The following COL21A1 variants were observed in gnomAD, a reference collection of about 807,000 sequenced individuals.
COL21A1 encodes the protein collagen type XXI alpha 1 chain.
A neutral mutation model predicts 137.9 loss-of-function variants in COL21A1; 149 were observed. That is an observed-to-expected ratio of 1.08 (90% CI 0.95 to 1.24). The LOEUF (loss-of-function observed/expected upper bound fraction) is 1.24, where lower values mean the gene tolerates loss of function less well. Among genes scored for constraint, COL21A1 ranks in the 50% most tolerant of loss-of-function variants. The pLI is 0.00. For missense variants in COL21A1, 1,167 were observed against 1,158.4 expected, an observed-to-expected ratio of 1.01 and a Z score of -0.11; for synonymous variants, 456 against 391.5, an observed-to-expected ratio of 1.16 and a Z score of -1.95.
intron 1 of COL21A1, among the ~76,000 whole-genome samples, chr6:56,319,309 C>T (rs1764813529): frequency 6.6e-6 from 1 of 152,052 alleles, no homozygotes; most frequent in Non-Finnish European, 1.5e-5. Flanking sequence ...AAAAAAACTG[C>T]AGGTGGCCTG....
intron 1 of COL21A1, among the ~76,000 whole-genome samples, chr6:56,260,168 GT>G (rs1315622774): frequency 6.6e-6 from 1 of 152,120 alleles, no homozygotes; most frequent in Non-Finnish European, 1.5e-5. Context: ...GCTATATTAT[GT>G]TTTATCCTCC....
intron 16 of COL21A1, among the ~76,000 whole-genome samples, chr6:56,110,255 CTTTTT>C (rs35299623): frequency 8.2e-6 from 1 of 121,914 alleles, no homozygotes; most frequent in Non-Finnish European, 1.7e-5. Context: ...GCAGAAAAAG[CTTTTT>C]TTTTTTTTTT....
intron 1 of COL21A1, among the ~76,000 whole-genome samples, chr6:56,311,477 T>C (rs1764613155): frequency 6.6e-6 from 1 of 152,164 alleles, no homozygotes; most frequent in South Asian, 2.1e-4. Context: ...TAATTATATT[T>C]TTATGAGGGG....
chr6:56,302,131 A>C (rs9396196), intron 1 of COL21A1, among the ~76,000 whole-genome samples: 1 of 150,404 alleles, frequency 6.6e-6, no homozygotes, highest in Non-Finnish European at 1.5e-5. Flanking sequence ...TCTATCATTG[A>C]TGGACATTTG....
chr6:56,235,623 A>C (rs780547328), intron 1 of COL21A1, among the ~76,000 whole-genome samples: 3 of 151,972 alleles, frequency 2.0e-5, no homozygotes, highest in Non-Finnish European at 2.9e-5. Flanking sequence ...ATATAAGACT[A>C]TTTAAATGGC....
rs541924302 is a variant in COL21A1 at position 56,378,329 on chromosome 6, A to G, written c.-39+15642T>C. ...GATGACATTTCTGGACCGCCCTGGG[A>G]TAGAGCAGAGCCCATTCCCCTGAAG... On this transcript the variant is annotated intron_variant, in intron 1 of 28. Coordinates refer to the COL21A1 transcript ENST00000370819. Among the ~76,000 whole-genome samples the G allele has an allele frequency of 6.6e-5, 10 of 152,182 alleles. No homozygotes were observed. In the East Asian group the frequency reaches 1.7e-3, roughly 27 times the overall value.
At chr6:56,333,422 C>A (rs1765274688) in intron 1 of COL21A1, among the ~76,000 whole-genome samples, 1 of 151,900 alleles carries the variant, frequency 6.6e-6, no homozygotes, top group South Asian at 2.1e-4. Flanking sequence ...CTCTGATCAG[C>A]ATAATTATTC....
intron 3 of COL21A1, among the ~76,000 whole-genome samples, chr6:56,176,886 GGGGAGGAAA>G (rs1339367014): frequency 2.1e-5 from 3 of 140,262 alleles, no homozygotes; most frequent in African/African-American, 8.0e-5. Flanking sequence ...GAGGAGGAAG[GGGGAGGAAA>G]GGGAGGAAAG....
intron 12 of COL21A1, among the ~76,000 whole-genome samples, chr6:56,132,449 A>G (rs1222029721): frequency 1.3e-5 from 2 of 152,186 alleles, no homozygotes; most frequent in African/African-American, 4.8e-5. Context: ...CCCTGCCAAT[A>G]TTAAGTCAGA....
chr6:56,285,325 A>C (rs1158123550), intron 1 of COL21A1, among the ~76,000 whole-genome samples: 1 of 152,196 alleles, frequency 6.6e-6, no homozygotes, highest in African/African-American at 2.4e-5. Flanking sequence ...GCTTTTTCTT[A>C]AAGAGCAATC....
intron 1 of COL21A1, among the ~76,000 whole-genome samples, chr6:56,245,493 C>T (rs1782588641): frequency 6.6e-6 from 1 of 152,110 alleles, no homozygotes; most frequent in Admixed American, 6.5e-5. Context: ...CATAGATCTT[C>T]TTTTAAGGTG....
chr6:56,250,761 G>A (rs1179401854), upstream of COL21A1, among the ~76,000 whole-genome samples: 1 of 152,144 alleles, frequency 6.6e-6, no homozygotes, highest in Admixed American at 6.6e-5. Flanking sequence ...AACTAATGCA[G>A]TTACCATAAA....
chr6:56,156,307 T>A (rs1417885493), intron 10 of COL21A1, among the ~76,000 whole-genome samples: 1 of 152,242 alleles, frequency 6.6e-6, no homozygotes, highest in East Asian at 1.9e-4. Context: ...CTCTTCAACT[T>A]GACTAAACTT....
At chr6:56,298,918 A>G (rs928975315) in intron 1 of COL21A1, among the ~76,000 whole-genome samples, 5 of 152,302 alleles carry the variant, frequency 3.3e-5, no homozygotes, top group Admixed American at 2.6e-4. Context: ...TAAAAGTCAT[A>G]TAACTCCTTG....
intron 22 of COL21A1, among the ~76,000 whole-genome samples, chr6:56,068,435 T>C (rs2114079435): frequency 6.6e-6 from 1 of 151,550 alleles, no homozygotes; most frequent in East Asian, 1.9e-4. Flanking sequence ...TAAAAGCATA[T>C]ATTATTTATA....
intron 1 of COL21A1, among the ~76,000 whole-genome samples, chr6:56,351,524 GGAGA>G (rs1265102276): frequency 6.6e-6 from 1 of 152,174 alleles, no homozygotes; most frequent in African/African-American, 2.4e-5. Flanking sequence ...ATCTCAGAGA[GGAGA>G]GACTTTGGAG....
intron 1 of COL21A1, among the ~76,000 whole-genome samples, chr6:56,221,789 C>T (rs1451563702): frequency 4.6e-5 from 7 of 152,078 alleles, no homozygotes; most frequent in Non-Finnish European, 1.0e-4. Flanking sequence ...TTTGACATAG[C>T]TCTATTCTTT....
intron 12 of COL21A1, among the ~76,000 whole-genome samples, chr6:56,128,686 G>A (rs143827376): frequency 6.6e-5 from 10 of 152,154 alleles, no homozygotes; most frequent in Admixed American, 1.3e-4. Context: ...ATGGAGTTTC[G>A]CTCTTTCGCC....
chr6:56,298,687 AG>A (rs1764214540), intron 1 of COL21A1, among the ~76,000 whole-genome samples: 1 of 152,114 alleles, frequency 6.6e-6, no homozygotes, highest in Non-Finnish European at 1.5e-5. Flanking sequence ...TCAGAGAAAC[AG>A]GTGACTTATG....
Sources: allele counts gnomAD v4.1 joint callset (sites outside exome capture counted in the v4.1 genomes callset), GRCh38; gene constraint gnomAD v4.1.1; transcripts MANE v1.5; gene names NCBI Gene and HGNC (gene_info 2026-07-23, HGNC 2026-07-21).